Variants in SF3B4 observed in about 807,000 individuals in gnomAD.
SF3B4 encodes SAP 49.
SF3B4 carries 3 observed loss-of-function variants against 34.3 expected under a neutral mutation model. The observed-to-expected ratio is 0.09, with a 90% confidence interval of 0.04 to 0.23. SF3B4 has a LOEUF of 0.23. SF3B4 is among the 10% of genes least tolerant of loss of function. The pLI, the probability that SF3B4 is intolerant of heterozygous loss-of-function variation, is 1.00. For synonymous variants in SF3B4, 216 were observed against 207.8 expected, an observed-to-expected ratio of 1.04 and a Z score of -0.34; for missense variants, 283 against 567.2, an observed-to-expected ratio of 0.50 and a Z score of 5.09.
intron 1 of SF3B4, 29 bp from the exon 2 acceptor site, chr1:149,927,323 C>A (rs782364613): frequency 6.2e-7 from 1 of 1,609,800 alleles, no homozygotes; most frequent in Non-Finnish European, 8.5e-7. Context: ...AAAGAGCAAG[C>A]GTGAGAGTGT....
intron 5 of SF3B4, 51 bp downstream of exon 5, chr1:149,923,790 C>T (rs782207122): frequency 1.3e-6 from 2 of 1,531,650 alleles, no homozygotes; most frequent in Admixed American, 4.7e-5. Context: ...CTACAGGAAG[C>T]TGTAAGAACA....
Position 149,925,878 on chromosome 1 carries a change from A to T in SF3B4, c.871T>A (p.Ser291Thr). Reference protein sequence around the residue: ...PGAGHPGHGHSHPHPFPPGGM... With the variant: ...PGAGHPGHGHTHPHPFPPGGM... Reference sequence around the variant, plus strand: ...CCCGGTGGGAATGGGTGAGGATGTGAGTGTCCATGACCAGGATGTCCTGCC... The same window carrying T: ...CCCGGTGGGAATGGGTGAGGATGTGTGTGTCCATGACCAGGATGTCCTGCC... The change falls in exon 4 of 6, where the codon TCA becomes ACA. Residue 291 changes from serine (S) to threonine (T), a missense_variant. Around this residue, in one of 4 missense-constraint regions of SF3B4, gnomAD observed 208 missense variants for 292.6 expected, o/e 0.71. Coordinates refer to ENST00000271628, the MANE Select transcript of SF3B4 (RefSeq NM_005850.5). 1 of 1,612,030 alleles carries T rather than the reference A, an allele frequency of 6.2e-7. No homozygotes were observed. Among genetic ancestry groups the T allele is most frequent in the Admixed American group, 1.7e-5 (1 of 59,828 alleles).
At chr1:149,925,750 G>T in intron 4 of SF3B4, 86 bp downstream of exon 4, 1 of 1,000,186 alleles carries the variant, frequency 1.0e-6, no homozygotes, top group Non-Finnish European at 1.6e-6. Context: ...AACTGTTACT[G>T]TTGAGGAACA....
chr1:149,927,450 C>A, intron 1 of SF3B4, 156 bp from the exon 2 acceptor site: 2 of 863,720 alleles, frequency 2.3e-6, no homozygotes, highest in Non-Finnish European at 3.5e-6. Context: ...TTCTCTCTTC[C>A]CAGGACTTCG....
intron 4 of SF3B4, among the ~76,000 whole-genome samples, chr1:149,924,859 A>G (rs1254839626): frequency 6.6e-6 from 1 of 152,226 alleles, no homozygotes; most frequent in Admixed American, 6.5e-5. Flanking sequence ...GCCAGATCAT[A>G]AAGAGCTGTG....
At chr1:149,925,400 T>C (rs991149395) in intron 4 of SF3B4, among the ~76,000 whole-genome samples, 5 of 151,886 alleles carry the variant, frequency 3.3e-5, no homozygotes, top group Non-Finnish European at 7.4e-5. Context: ...CATGAGTCTA[T>C]CACGGTAGCT....
rs782759025 is a variant in SF3B4 at position 149,925,855 on chromosome 1, C to T, written c.894G>A (p.Pro298=). The T allele has an allele frequency of 1.1e-5, 17 of 1,613,434 alleles. No homozygotes were observed. The highest frequency in any genetic ancestry group is 1.6e-4 in the Middle Eastern group (1 of 6,078). Reference sequence around the variant, plus strand: ...ACCTACCTGGATGGGGCATCCCACCCGGTGGGAATGGGTGAGGATGTGAGT... The same window carrying T: ...ACCTACCTGGATGGGGCATCCCACCTGGTGGGAATGGGTGAGGATGTGAGT... ...HGHSHPHPFP[P]GGMPHPGMSQ... Residue 298 remains proline, a synonymous_variant, in exon 4 of 6, where the codon CCG becomes CCA. Coordinates refer to ENST00000271628, the MANE Select transcript of SF3B4 (RefSeq NM_005850.5).
At chr1:149,924,135 A>C in intron 4 of SF3B4, 121 bp from the exon 5 acceptor site, 1 of 881,812 alleles carries the variant, frequency 1.1e-6, no homozygotes, top group Non-Finnish European at 1.7e-6. Flanking sequence ...TATATAGAAA[A>C]AAGGGTATAG....
At chr1:149,927,350 G>A in intron 1 of SF3B4, 56 bp from the exon 2 acceptor site, 2 of 1,598,190 alleles carry the variant, frequency 1.3e-6, no homozygotes, top group Non-Finnish European at 1.7e-6. Flanking sequence ...AAGGAAGGAA[G>A]TGATGGAAAC....
intron 1 of SF3B4, 53 bp downstream of exon 1, chr1:149,927,673 T>C: frequency 6.5e-7 from 1 of 1,546,106 alleles, no homozygotes; most frequent in Non-Finnish European, 8.8e-7. Context: ...CTGGCTGTAG[T>C]CGGGGCCTCC....
chr1:149,923,874 G>A lies in SF3B4; in HGVS notation c.1054C>T (p.Pro352Ser), dbSNP rs781845442. 9.4e-6 allele frequency: 15 copies of A among 1,603,930 alleles called. No homozygotes were observed. In the Admixed American group the frequency reaches 2.6e-4, roughly 28 times the overall value. Residue 352 changes from proline (P) to serine (S), a missense_variant, in exon 5 of 6, where the codon CCC becomes TCC. Physicochemically the swap from Pro to Ser is moderately conservative, Grantham distance 74. Transcript: ENST00000271628. ...PHPGPPPMGMPPRGPPFGSPM... is the reference protein window; with the variant it reads ...PHPGPPPMGMSPRGPPFGSPM... ...GATCCGAATGGAGGCCCTCGGGGGG[G>A]CATGCCCATTGGAGGAGGTCCAGGA...
chr1:149,924,447 A>T (rs1482194243), intron 4 of SF3B4, among the ~76,000 whole-genome samples: 2 of 152,094 alleles, frequency 1.3e-5, no homozygotes, highest in Non-Finnish European at 2.9e-5. Context: ...CAAAAAATAA[A>T]AATAAAAAAA....
Position 149,926,036 on chromosome 1 carries a change from G to T in SF3B4, c.713C>A (p.Pro238His). 1 of 1,485,742 alleles carries T rather than the reference G, an allele frequency of 6.7e-7. No individual in the cohort carries two copies. The highest frequency in any genetic ancestry group is 9.0e-7 in the Non-Finnish European group (1 of 1,108,230). The allele number at this position is 1,485,742 out of a possible 1,614,324, so 92.0% of individuals were successfully genotyped here. ...LGSGLPPPGMPPPGSFPPPVP... is the reference protein window; with the variant it reads ...LGSGLPPPGMHPPGSFPPPVP... ...TGGGGGTGGGAAGGAGCCAGGAGGA[G>T]GCATGCCTATAGAGGAAATGGAAAA... The change falls in exon 4 of 6, where the codon CCT (proline) becomes CAT (histidine). Residue 238 changes from proline (P) to histidine (H), a missense_variant. Physicochemically the swap from Pro to His is moderately conservative, Grantham distance 77 (BLOSUM62 -2). Around this residue, in one of 4 missense-constraint regions of SF3B4, gnomAD observed 208 missense variants for 292.6 expected, o/e 0.71. Coordinates refer to ENST00000271628, the MANE Select transcript of SF3B4 (RefSeq NM_005850.5). The surrounding 1 kb of genome is among the most constrained non-coding windows in gnomAD (Gnocchi z 6.2).
At position 149,926,088 on chromosome 1, in the gene SF3B4, A is replaced by G. The variant is rs782598428; in HGVS notation, c.707-46T>C. 1 of 969,632 alleles carries G rather than the reference A, an allele frequency of 1.0e-6. No homozygotes were observed. The highest frequency in any genetic ancestry group is 2.9e-5 in the Admixed American group (1 of 35,084). 60.1% of individuals were successfully genotyped at this position (969,632 alleles called of 1,614,324 possible). On this transcript the variant is annotated intron_variant, in intron 3 of 5. Coordinates refer to ENST00000271628, the MANE Select transcript of SF3B4 (RefSeq NM_005850.5). This position sits in a 1 kb window ranked among gnomAD's most constrained non-coding sequence, Gnocchi z 6.2. Reference sequence around the variant, plus strand: ...GGAAGAGTTAATGGTAGTGAGGAGAAAATGTCTTTAAAGAGCCTGTCCTGA... The same window carrying G: ...GGAAGAGTTAATGGTAGTGAGGAGAGAATGTCTTTAAAGAGCCTGTCCTGA...
At position 149,926,202 on chromosome 1, in the gene SF3B4, C is replaced by T. The variant is rs2092589419; in HGVS notation, c.707-160G>A. ...ATGTTAGAAAAGTCAACCAACTTCA[C>T]CCTCCTAAAGAAACCCAACAACTTT... On this transcript the variant is annotated intron_variant, in intron 3 of 5. Coordinates refer to ENST00000271628, the MANE Select transcript of SF3B4 (RefSeq NM_005850.5). The surrounding 1 kb of genome is among the most constrained non-coding windows in gnomAD (Gnocchi z 6.2). Among the ~76,000 whole-genome samples the T allele has an allele frequency of 6.6e-6, 1 of 152,188 alleles. No homozygotes were observed. The highest frequency in any genetic ancestry group is 1.5e-5 in the Non-Finnish European group (1 of 68,040).
In SF3B4 at chr1:149,923,748, A is replaced by T. The variant is rs782283392; in HGVS notation, c.1088-19T>A. On this transcript the variant is annotated intron_variant, in intron 5 of 5. Coordinates refer to ENST00000271628, the MANE Select transcript of SF3B4 (RefSeq NM_005850.5). ...GGGTGACCTGCAAAGAGTAAAAGAAAAGTTAGTAAGGGCACGGGACAAGGG... is the reference window on the plus strand; with the variant it reads ...GGGTGACCTGCAAAGAGTAAAAGAATAGTTAGTAAGGGCACGGGACAAGGG... The T allele has an allele frequency of 6.6e-7, 1 of 1,508,134 alleles. No homozygotes were observed. The highest frequency in any genetic ancestry group is 1.4e-5 in the African/African-American group (1 of 69,544). The allele number at this position is 1,508,134 out of a possible 1,614,324, so 93.4% of individuals were successfully genotyped here.
At chr1:149,927,643 C>T (rs1327607851) in intron 1 of SF3B4, 83 bp downstream of exon 1, 3 of 1,503,054 alleles carry the variant, frequency 2.0e-6, no homozygotes, top group African/African-American at 2.8e-5. Context: ...GTCCAGTCTC[C>T]CACCCCTGCA....
Position 149,923,956 on chromosome 1 carries a change from A to G in SF3B4, c.972T>C (p.Ala324=). ...HGPHGLGHPH[A]GPPGSGGQPP... is the part of the protein sequence containing the mutation. ...GCTGGCCCCCAGAGCCTGGGGGTCCAGCGTGGGGATGTCCTAAGCCATGAG... is the reference window on the plus strand; with the variant it reads ...GCTGGCCCCCAGAGCCTGGGGGTCCGGCGTGGGGATGTCCTAAGCCATGAG... Residue 324 remains alanine (A), a synonymous_variant, in exon 5 of 6, where the codon GCT becomes GCC. Coordinates refer to ENST00000271628, the MANE Select transcript of SF3B4 (RefSeq NM_005850.5). 1.3e-6 allele frequency: 2 copies of G among 1,584,428 alleles called. No individual in the cohort carries two copies. The highest frequency in any genetic ancestry group is 1.7e-6 in the Non-Finnish European group (2 of 1,170,846).
chr1:149,927,763 G>T lies in SF3B4; in HGVS notation c.-4C>A, dbSNP rs1553766271. ...CGGAGATCGGCCCGGCAGCCATGGC[G>T]AAAGAGATCCCGCCGTCTCCCAGCA... On this transcript the variant is annotated 5_prime_UTR_variant, in exon 1 of 6. Transcript: ENST00000271628. The T allele has an allele frequency of 4.5e-6, 7 of 1,552,914 alleles. No individual in the cohort carries two copies. Among genetic ancestry groups the T allele is most frequent in the Non-Finnish European group, 6.1e-6 (7 of 1,147,738 alleles).
Sources: allele counts gnomAD v4.1 joint callset (sites outside exome capture counted in the v4.1 genomes callset), GRCh38; gene constraint gnomAD v4.1.1; regional missense constraint gnomAD v4.1.1; non-coding constraint Gnocchi (gnomAD v3.1); transcripts MANE v1.5; gene names NCBI Gene and HGNC (gene_info 2026-07-23, HGNC 2026-07-21).